Variants in AGTPBP1 observed in about 807,000 individuals in gnomAD.
AGTPBP1 encodes the protein cytosolic carboxypeptidase 1.
In AGTPBP1, 70 loss-of-function variants were observed where a neutral mutation model predicts 143.9. That is an observed-to-expected ratio of 0.49 (90% CI 0.40 to 0.59). AGTPBP1 has a LOEUF of 0.59. AGTPBP1 is among the 20% of genes least tolerant of loss of function. The pLI is 0.00. For missense variants in AGTPBP1, 1,229 were observed against 1,464.5 expected (o/e 0.84, Z 2.62); for synonymous variants, 463 against 500.2 (o/e 0.93, Z 0.99).
intron 25 of AGTPBP1, among the ~76,000 whole-genome samples, chr9:85,566,490 AC>A (rs1401870362): frequency 1.4e-5 from 2 of 142,300 alleles, no homozygotes; most frequent in African/African-American, 5.4e-5. Context: ...TGATCATGCC[AC>A]TGCATTCCAG....
the AGTPBP1 span, among the ~76,000 whole-genome samples, chr9:85,753,762 A>G: frequency 6.9e-5 from 1 of 14,506 alleles, no homozygotes; most frequent in Non-Finnish European, 1.9e-4. Flanking sequence ...CAATAAATAG[A>G]TAGATAGATA....
Position 85,741,814 on chromosome 9 carries a change from G to A in AGTPBP1, c.-73C>T. The A allele has an allele frequency of 7.2e-7, 1 of 1,385,202 alleles. No homozygotes were observed. Among genetic ancestry groups the A allele is most frequent in the Non-Finnish European group, 9.3e-7 (1 of 1,071,506 alleles). The allele number at this position is 1,385,202 out of a possible 1,614,324, so 85.8% of individuals were successfully genotyped here. On this transcript the variant is annotated 5_prime_UTR_variant, in exon 1 of 26. Transcript: ENST00000357081. ...GCGCTGGCGGGGACCGCGCAGAGCC[G>A]CAGCACCCGGCTCAGCACCTGGATC...
Position 85,585,532 on chromosome 9 carries a change from G to T in AGTPBP1, c.3096C>A (p.Ile1032=), listed in dbSNP as rs546415318. The part of the protein sequence containing the change: ...KKNVFMYGCS[I]KETVWHTNDN... The stretch of plus-strand genomic sequence containing the variant: ...CATTGGTATGCCACACTGTCTCTTT[G>T]ATGCTGCAACCATACATAAATACAT... The change falls in exon 23 of 26, where the codon ATC becomes ATA. Residue 1032 remains isoleucine (I), a synonymous_variant. Coordinates refer to ENST00000357081, the MANE Select transcript of AGTPBP1 (RefSeq NM_001330701.2). 1 of 1,611,366 alleles carries T rather than the reference G, an allele frequency of 6.2e-7. No homozygotes were observed. The highest frequency in any genetic ancestry group is 1.7e-5 in the Admixed American group (1 of 59,748).
At chr9:85,669,792 T>C (rs1161189909) in intron 7 of AGTPBP1, among the ~76,000 whole-genome samples, 4 of 108,426 alleles carry the variant, frequency 3.7e-5, no homozygotes, top group African/African-American at 9.2e-5. Flanking sequence ...AAACGAGTTA[T>C]ATGCAAAAAA....
At chr9:85,556,655 C>A (rs1415086960) in intron 25 of AGTPBP1, among the ~76,000 whole-genome samples, 4 of 152,014 alleles carry the variant, frequency 2.6e-5, no homozygotes, top group African/African-American at 9.7e-5. Flanking sequence ...AACTAACCAA[C>A]GAAAGCTAGG....
At chr9:85,602,081 A>C (rs1367577509) in intron 17 of AGTPBP1, among the ~76,000 whole-genome samples, 1 of 152,228 alleles carries the variant, frequency 6.6e-6, no homozygotes, top group Non-Finnish European at 1.5e-5. Flanking sequence ...GGACACAAGA[A>C]ACACGAAAAA....
the AGTPBP1 span, chr9:85,773,765 A>T: frequency 3.5e-4 from 276 of 777,848 alleles, 1 homozygote; most frequent in Middle Eastern, 6.9e-3. Flanking sequence ...ATCTTGAAGT[A>T]GCCTAAGAAA....
Position 85,642,933 on chromosome 9 carries a change from A to G in AGTPBP1, c.1196T>C (p.Ile399Thr), listed in dbSNP as rs1317661639. Reference sequence around the variant, plus strand: ...TTTTAGTTTGTTAATATCTGTTTCAATATCATCATTCTGAAATGATAAAAA... The same window carrying G: ...TTTTAGTTTGTTAATATCTGTTTCAGTATCATCATTCTGAAATGATAAAAA... Reference protein sequence around the residue: ...DLDQNFKNDDIETDINKLKPQ... With the variant: ...DLDQNFKNDDTETDINKLKPQ... The change falls in exon 13 of 26, where the codon ATT becomes ACT. Residue 399 changes from isoleucine to threonine, a missense_variant. Physicochemically the swap from Ile to Thr is moderately conservative, Grantham distance 89. This residue lies in a region of AGTPBP1 where 743 missense variants were observed against 812.2 expected (regional missense o/e 0.91). Transcript: ENST00000357081. 2.5e-6 allele frequency: 4 copies of G among 1,610,158 alleles called. No homozygotes were observed. The highest frequency in any genetic ancestry group is 3.3e-5 in the Admixed American group (2 of 59,922).
chr9:85,581,819 T>TA (rs376759518), intron 23 of AGTPBP1, among the ~76,000 whole-genome samples: 2 of 152,170 alleles, frequency 1.3e-5, no homozygotes, highest in Admixed American at 6.5e-5. Flanking sequence ...TTAACTTCAA[T>TA]AAAAAAATCC....
chr9:85,672,647 C>G lies in AGTPBP1; in HGVS notation c.471G>C (p.Gly157=). Residue 157 remains glycine (G), a synonymous_variant, in exon 7 of 26, where the codon GGG becomes GGC. Coordinates refer to ENST00000357081, the MANE Select transcript of AGTPBP1 (RefSeq NM_001330701.2). The part of the protein sequence containing the change: ...KKFGVKARIN[G]ALNITLNLVK... Reference sequence around the variant, plus strand: ...CCAAATTCAGGGTTATATTCAGAGCCCCATTAATTCTAGCCTTTACTCCAA... The same window carrying G: ...CCAAATTCAGGGTTATATTCAGAGCGCCATTAATTCTAGCCTTTACTCCAA... 1.9e-6 allele frequency: 3 copies of G among 1,611,880 alleles called. No homozygotes were observed. Among genetic ancestry groups the G allele is most frequent in the Non-Finnish European group, 2.5e-6 (3 of 1,179,116 alleles).
intron 24 of AGTPBP1, among the ~76,000 whole-genome samples, chr9:85,577,730 A>G (rs1827986750): frequency 6.6e-6 from 1 of 152,124 alleles, no homozygotes; most frequent in Admixed American, 6.6e-5. Context: ...CTACTACTAT[A>G]CTTATTTAAG....
At chr9:85,558,985 T>A (rs1826523946) in intron 25 of AGTPBP1, among the ~76,000 whole-genome samples, 1 of 152,224 alleles carries the variant, frequency 6.6e-6, no homozygotes, top group Admixed American at 6.5e-5. Flanking sequence ...ATCCTGAAAT[T>A]TAGTCACCAC....
the AGTPBP1 span, among the ~76,000 whole-genome samples, chr9:85,795,652 G>A: frequency 6.6e-6 from 1 of 152,116 alleles, no homozygotes; most frequent in Admixed American, 6.6e-5. Context: ...AGGGTACTGT[G>A]GGAGTATGGA....
the AGTPBP1 span, chr9:85,787,971 G>A: frequency 1.3e-5 from 2 of 152,092 alleles, no homozygotes; most frequent in African/African-American, 4.8e-5. Flanking sequence ...AAGACTCAAG[G>A]CTTCCTTTCT....
chr9:85,678,986 C>T (rs1028112376), intron 4 of AGTPBP1, among the ~76,000 whole-genome samples: 1 of 152,066 alleles, frequency 6.6e-6, no homozygotes, highest in Non-Finnish European at 1.5e-5. Flanking sequence ...TTTATGTAAC[C>T]AGTCATCTAC....
At chr9:85,658,846 A>G (rs1022786942) in intron 9 of AGTPBP1, among the ~76,000 whole-genome samples, 1 of 152,176 alleles carries the variant, frequency 6.6e-6, no homozygotes, top group African/African-American at 2.4e-5. Flanking sequence ...TATTGTGTCT[A>G]CAATAGCTAG....
intron 4 of AGTPBP1, 130 bp from the exon 5 acceptor site, chr9:85,678,528 T>G: frequency 2.1e-6 from 1 of 477,538 alleles, no homozygotes; most frequent in Non-Finnish European, 3.7e-6. Flanking sequence ...TATTCAGGTT[T>G]TCACTATTAT....
At chr9:85,621,417 A>G (rs1183611968) in intron 14 of AGTPBP1, 132 bp from the exon 15 acceptor site, 1 of 382,028 alleles carries the variant, frequency 2.6e-6, no homozygotes. Context: ...CTCTATCTAT[A>G]TATTTTGCAT....
intron 1 of AGTPBP1, among the ~76,000 whole-genome samples, chr9:85,721,284 T>C (rs1371320075): frequency 3.3e-5 from 5 of 152,162 alleles, no homozygotes; most frequent in Non-Finnish European, 7.4e-5. Flanking sequence ...CCATTATTAT[T>C]GTGTGGGAGT....
Sources: gnomAD v4.1 joint callset for allele counts (sites outside exome capture counted in the v4.1 genomes callset) on GRCh38, gnomAD v4.1.1 for gene constraint, gnomAD v4.1.1 regional missense constraint, MANE v1.5 for transcripts, NCBI Gene and HGNC (gene_info 2026-07-23, HGNC 2026-07-21) for gene names.